Variants in CDH12 observed in about 807,000 individuals in gnomAD.
CDH12 encodes the protein cadherin-12.
CDH12 carries 41 observed loss-of-function variants against 74.1 expected under a neutral mutation model. The observed-to-expected ratio is 0.55, with a 90% CI of 0.43 to 0.72. The LOEUF (loss-of-function observed/expected upper bound fraction) is 0.72. Among genes scored for constraint, CDH12 ranks in the 30% least tolerant of loss-of-function variants. The pLI, the probability that CDH12 is intolerant of heterozygous loss-of-function variation, is 0.00. For synonymous variants in CDH12, 399 were observed against 355.0 expected, an observed-to-expected ratio of 1.12 and a Z score of -1.39; for missense variants, 945 against 977.2, an observed-to-expected ratio of 0.97 and a Z score of 0.44.
chr5:22,460,095 A>G (rs1745439467), intron 2 of CDH12, among the ~76,000 whole-genome samples: 1 of 152,246 alleles, frequency 6.6e-6, no homozygotes, highest in African/African-American at 2.4e-5. Flanking sequence ...AGTGCAGGTA[A>G]TATGCAAAAC....
intron 1 of CDH12, among the ~76,000 whole-genome samples, chr5:22,709,151 G>T (rs540467436): frequency 1.3e-4 from 20 of 152,300 alleles, no homozygotes; most frequent in Non-Finnish European, 2.5e-4. Context: ...GGAAGAGAGA[G>T]AGTGGCCACA....
At chr5:22,438,382 A>T (rs1047842267) in intron 2 of CDH12, among the ~76,000 whole-genome samples, 1 of 152,042 alleles carries the variant, frequency 6.6e-6, no homozygotes, top group Non-Finnish European at 1.5e-5. Flanking sequence ...CTCACCAAGG[A>T]AGTGTTATTG....
intron 3 of CDH12, among the ~76,000 whole-genome samples, chr5:22,232,172 G>C (rs769264113): frequency 6.6e-6 from 1 of 151,382 alleles, no homozygotes; most frequent in Non-Finnish European, 1.5e-5. Flanking sequence ...TTTGTTATTC[G>C]TGTGCTTAGT....
intron 1 of CDH12, among the ~76,000 whole-genome samples, chr5:22,564,439 C>T (rs1739200206): frequency 6.6e-6 from 1 of 152,174 alleles, no homozygotes; most frequent in South Asian, 2.1e-4. Context: ...AGAGTGTTCA[C>T]TTTACCACCA....
At chr5:21,922,474 A>G (rs769804316) in intron 6 of CDH12, among the ~76,000 whole-genome samples, 7 of 152,176 alleles carry the variant, frequency 4.6e-5, no homozygotes, top group Non-Finnish European at 8.8e-5. Context: ...TGAACATGCA[A>G]TAAATATGCT....
chr5:22,131,413 C>A (rs1458911574), intron 4 of CDH12, among the ~76,000 whole-genome samples: 1 of 152,068 alleles, frequency 6.6e-6, no homozygotes, highest in African/African-American at 2.4e-5. Context: ...AACTTGGCTC[C>A]ATAGTTGCTG....
intron 11 of CDH12, among the ~76,000 whole-genome samples, chr5:21,766,222 C>CGTTT (rs893564261): frequency 5.3e-5 from 8 of 151,884 alleles, no homozygotes; most frequent in African/African-American, 1.9e-4. Context: ...ACATAACAAG[C>CGTTT]GTTTGACACA....
intron 3 of CDH12, among the ~76,000 whole-genome samples, chr5:22,249,604 G>A (rs1173289338): frequency 6.6e-6 from 1 of 152,138 alleles, no homozygotes; most frequent in Non-Finnish European, 1.5e-5. Context: ...TACTTCATAG[G>A]TGTCTGACAT....
chr5:22,493,868 C>G (rs2126644622), intron 2 of CDH12, among the ~76,000 whole-genome samples: 1 of 152,194 alleles, frequency 6.6e-6, no homozygotes, highest in Admixed American at 6.5e-5. Context: ...GATAACTAAA[C>G]AGACAATAAA....
intron 1 of CDH12, among the ~76,000 whole-genome samples, chr5:22,684,079 T>C (rs1352469529): frequency 2.6e-5 from 4 of 152,366 alleles, no homozygotes; most frequent in Admixed American, 2.0e-4. Flanking sequence ...CTATCTCCCA[T>C]GATCCAGAGA....
chr5:22,628,291 T>C (rs918672782), intron 1 of CDH12, among the ~76,000 whole-genome samples: 2 of 152,138 alleles, frequency 1.3e-5, no homozygotes, highest in South Asian at 2.1e-4. Flanking sequence ...AACAACAGAA[T>C]ATACATTCTT....
At chr5:21,852,059 C>A (rs1441455013) in intron 7 of CDH12, among the ~76,000 whole-genome samples, 5 of 151,296 alleles carry the variant, frequency 3.3e-5, no homozygotes, top group Non-Finnish European at 7.4e-5. Context: ...ATGGCTGGAA[C>A]AAATGGAGAC....
chr5:21,809,199 T>C (rs1400100769), intron 9 of CDH12, among the ~76,000 whole-genome samples: 2 of 152,120 alleles, frequency 1.3e-5, no homozygotes, highest in Non-Finnish European at 2.9e-5. Flanking sequence ...AGAATCATGG[T>C]CATTATAGTA....
At chr5:22,379,873 C>A (rs952682788) in intron 3 of CDH12, among the ~76,000 whole-genome samples, 5 of 152,166 alleles carry the variant, frequency 3.3e-5, no homozygotes, top group Non-Finnish European at 7.3e-5. Flanking sequence ...TCTGCCTCAG[C>A]CTTCCAAGTA....
chr5:22,420,399 C>T (rs893132691), intron 2 of CDH12, among the ~76,000 whole-genome samples: 2 of 152,080 alleles, frequency 1.3e-5, no homozygotes, highest in Admixed American at 6.6e-5. Context: ...TATGGCTATC[C>T]AGTTTGCCCA....
chr5:22,564,603 C>T lies in CDH12; in HGVS notation c.-522-59239G>A, dbSNP rs189610807. On this transcript the variant is annotated intron_variant, in intron 1 of 14. Coordinates refer to ENST00000382254, the MANE Select transcript of CDH12 (RefSeq NM_004061.5). ...TACTTATGCGATTTTCTTGCTTACA[C>T]GTTTGTTCATTTTTCTTATTGGTTT... is the stretch of plus-strand genomic sequence containing the variant. Among the ~76,000 whole-genome samples, 211 of 152,078 alleles carry T rather than the reference C, an allele frequency of 1.4e-3. 1 individual carries two copies. The highest frequency in any genetic ancestry group is 4.9e-3 in the African/African-American group (202 of 41,482).
At chr5:21,941,454 A>G (rs1385895610) in intron 6 of CDH12, among the ~76,000 whole-genome samples, 1 of 152,054 alleles carries the variant, frequency 6.6e-6, no homozygotes, top group Non-Finnish European at 1.5e-5. Context: ...AAATGAGCCC[A>G]GATGTTTCAA....
intron 9 of CDH12, 75 bp downstream of exon 9, chr5:21,816,870 T>C (rs1748081064): frequency 9.5e-7 from 1 of 1,056,568 alleles, no homozygotes; most frequent in African/African-American, 1.7e-5. Context: ...AAATTACTTG[T>C]CATTTTCAAT....
intron 6 of CDH12, among the ~76,000 whole-genome samples, chr5:21,926,926 G>T (rs1446969036): frequency 6.6e-6 from 1 of 152,164 alleles, no homozygotes; most frequent in Non-Finnish European, 1.5e-5. Flanking sequence ...GTTGGTGAAG[G>T]TTTGAGGAAA....
Sources: gnomAD v4.1 joint callset for allele counts (sites outside exome capture counted in the v4.1 genomes callset) on GRCh38, gnomAD v4.1.1 for gene constraint, MANE v1.5 for transcripts, NCBI Gene and HGNC (gene_info 2026-07-23, HGNC 2026-07-21) for gene names.